Variants in FAM186B observed in about 807,000 individuals in gnomAD.
FAM186B encodes family with sequence similarity 186 member B.
A neutral mutation model predicts 83.4 loss-of-function variants in FAM186B; 68 were observed. That is an observed-to-expected ratio of 0.81 (90% CI 0.67 to 1.00). FAM186B has a LOEUF of 1.00. FAM186B is among the 50% of genes least tolerant of loss of function. The probability of loss-of-function intolerance (pLI) is 0.00; values close to 1 mark genes in which losing one functional copy is unlikely to be tolerated. For missense variants in FAM186B, 983 were observed against 1,099.2 expected (o/e 0.89, Z 1.49); for synonymous variants, 389 against 422.0 (o/e 0.92, Z 0.96).
rs183471594 is a variant in FAM186B at position 49,590,922 on chromosome 12, A to T, written c.2365-2299T>A. Among the ~76,000 whole-genome samples, 36 of 152,330 alleles carry T rather than the reference A, an allele frequency of 2.4e-4. No homozygotes were observed. The East Asian group carries it at 6.7e-3, about 29-fold the overall frequency. On this transcript the variant is annotated intron_variant, in intron 5 of 6. Transcript: ENST00000257894. Reference sequence around the variant, plus strand: ...TTGGAACTTTTAACATTTAAAATGAATCTTAATAGTATAGGATTTTTTTTG... The same window carrying T: ...TTGGAACTTTTAACATTTAAAATGATTCTTAATAGTATAGGATTTTTTTTG...
At chr12:49,602,316 T>A (rs1046631557) in intron 3 of FAM186B, among the ~76,000 whole-genome samples, 1 of 152,210 alleles carries the variant, frequency 6.6e-6, no homozygotes, top group African/African-American at 2.4e-5. Context: ...GAAGAGATTG[T>A]TTCCTTATCC....
chr12:49,621,324 G>C, the FAM186B span, among the ~76,000 whole-genome samples: 1 of 152,156 alleles, frequency 6.6e-6, no homozygotes, highest in East Asian at 1.9e-4. Context: ...TAGAGGTTCA[G>C]TGAGCCACTG....
intron 6 of FAM186B, 49 bp downstream of exon 6, chr12:49,588,405 T>C (rs1592542581): frequency 1.3e-6 from 2 of 1,568,002 alleles, no homozygotes; most frequent in Non-Finnish European, 8.7e-7. Flanking sequence ...CCCTGCTCCC[T>C]GCCTCTTCAC....
rs553087946 is a variant in FAM186B at position 49,604,864 on chromosome 12, G to C, written c.97-326C>G. 2.0e-4 allele frequency: 48 copies of C among 238,644 alleles called. 1 individual carries two copies. The South Asian group carries it at 3.8e-3, about 19-fold the overall frequency. The allele number at this position is 238,644 out of a possible 1,614,324, so 14.8% of individuals were successfully genotyped here. A position where few individuals can be genotyped will look rare whatever the true frequency, so the allele number is the denominator to read the frequency against. ...TCTTTAGAATTTCAGAGGTTGCTGG[G>C]GGTTTCTGGATGTCTTTCCTCACAA... On this transcript the variant is annotated intron_variant, in intron 1 of 6. Transcript: ENST00000257894.
At chr12:49,621,917 A>G in the FAM186B span, among the ~76,000 whole-genome samples, 1 of 152,266 alleles carries the variant, frequency 6.6e-6, no homozygotes, top group South Asian at 2.1e-4. Context: ...TTGCCTCCAG[A>G]GAGGGGAAGA....
upstream of FAM186B, among the ~76,000 whole-genome samples, chr12:49,606,248 A>G (rs1252057675): frequency 1.3e-5 from 2 of 152,034 alleles, no homozygotes; most frequent in Non-Finnish European, 2.9e-5. Context: ...AATCCCAACA[A>G]TTTGGGAGGC....
At position 49,600,836 on chromosome 12, in the gene FAM186B, C is replaced by A. The variant is rs754108727; in HGVS notation, c.804G>T (p.Ala268=). The A allele has an allele frequency of 1.2e-6, 2 of 1,612,386 alleles. No individual in the cohort carries two copies. Among genetic ancestry groups the A allele is most frequent in the East Asian group, 4.5e-5 (2 of 44,872 alleles). Reference sequence around the variant, plus strand: ...GCCTCTGGCTGCTGAGCTCTTTGGTCGCCTGCATTTGCAGGTGCCTGTATT... The same window carrying A: ...GCCTCTGGCTGCTGAGCTCTTTGGTAGCCTGCATTTGCAGGTGCCTGTATT... ...ETKYRHLQMQ[A]TKELSSQRLH... is the part of the protein sequence containing the mutation. Residue 268 remains alanine (A), a synonymous_variant, in exon 4 of 7, where the codon GCG becomes GCT. Transcript: ENST00000257894. This position sits in a 1 kb window ranked among gnomAD's most constrained non-coding sequence, Gnocchi z 4.3.
At chr12:49,613,343 T>C in the FAM186B span, among the ~76,000 whole-genome samples, 1 of 148,524 alleles carries the variant, frequency 6.7e-6, no homozygotes, top group Non-Finnish European at 1.5e-5. Flanking sequence ...TTGGCTAACA[T>C]GGTGAAACCC....
At chr12:49,598,124 GCAAA>G (rs1015053424) in intron 5 of FAM186B, among the ~76,000 whole-genome samples, 48 of 152,208 alleles carry the variant, frequency 3.2e-4, no homozygotes, top group Admixed American at 2.6e-3. Flanking sequence ...CCACATCCAA[GCAAA>G]CAGTCAATTA....
upstream of FAM186B, among the ~76,000 whole-genome samples, chr12:49,608,205 AG>A (rs1940053696): frequency 6.7e-6 from 1 of 150,172 alleles, no homozygotes; most frequent in African/African-American, 2.4e-5. Context: ...AAAAAAAAAA[AG>A]TTGGCCGGGT....
intron 5 of FAM186B, among the ~76,000 whole-genome samples, chr12:49,598,380 G>A (rs1244333979): frequency 6.6e-6 from 1 of 152,182 alleles, no homozygotes; most frequent in East Asian, 1.9e-4. Context: ...AGAGCCACCA[G>A]ACTGACAGGA....
At chr12:49,621,269 G>A in the FAM186B span, among the ~76,000 whole-genome samples, 1 of 152,202 alleles carries the variant, frequency 6.6e-6, no homozygotes, top group South Asian at 2.1e-4. Context: ...TGGAGTCCCA[G>A]ATACTTGGGA....
Position 49,600,929 on chromosome 12 carries a change from G to A in FAM186B, c.711C>T (p.Ala237=). The A allele has an allele frequency of 6.2e-7, 1 of 1,614,126 alleles. No homozygotes were observed. The highest frequency in any genetic ancestry group is 8.5e-7 in the Non-Finnish European group (1 of 1,179,998). The part of the protein sequence containing the change: ...KGEVRAIRYM[A]TVVENLNKAL... ...CCTTGTTGAGGTTCTCCACCACAGT[G>A]GCCATGTACCTGATGGCCCTGACCT... Residue 237 remains alanine (A), a synonymous_variant, in exon 4 of 7, where the codon GCC becomes GCT. Coordinates refer to ENST00000257894, the MANE Select transcript of FAM186B (RefSeq NM_032130.3). This position sits in a 1 kb window ranked among gnomAD's most constrained non-coding sequence, Gnocchi z 4.3.
At chr12:49,607,153 C>CA (rs1259639397), upstream of FAM186B, among the ~76,000 whole-genome samples, 1 of 150,866 alleles carries the variant, frequency 6.6e-6, no homozygotes, top group Non-Finnish European at 1.5e-5. Context: ...AAAGGAAGAA[C>CA]AAAAAAACCC....
At chr12:49,583,925 G>A (rs1445579812), downstream of FAM186B, 1 of 154,694 alleles carries the variant, frequency 6.5e-6, no homozygotes, top group African/African-American at 2.4e-5. Context: ...ACTGACAGAC[G>A]CTTGCCAGAG....
At chr12:49,606,755 G>GA (rs369570442), upstream of FAM186B, among the ~76,000 whole-genome samples, 85 of 152,182 alleles carry the variant, frequency 5.6e-4, no homozygotes, top group African/African-American at 1.9e-3. Context: ...TAGAGGTTTT[G>GA]AAAAATACTA....
At chr12:49,619,940 A>C in the FAM186B span, among the ~76,000 whole-genome samples, 1 of 152,030 alleles carries the variant, frequency 6.6e-6, no homozygotes, top group Non-Finnish European at 1.5e-5. Context: ...TCGGCCTCCC[A>C]AAGTGCTGGG....
chr12:49,583,082 C>T (rs763764163), downstream of FAM186B: 15 of 456,154 alleles, frequency 3.3e-5, no homozygotes, highest in Non-Finnish European at 5.7e-5. Context: ...GTTCAGCCAC[C>T]AGGCCCCTTA....
the FAM186B span, among the ~76,000 whole-genome samples, chr12:49,618,302 G>T: frequency 1.3e-5 from 2 of 151,112 alleles, no homozygotes; most frequent in South Asian, 4.2e-4. Context: ...CTGAGATCAC[G>T]CCACTGCACT....
Sources: allele counts gnomAD v4.1 joint callset (sites outside exome capture counted in the v4.1 genomes callset), GRCh38; gene constraint gnomAD v4.1.1; non-coding constraint Gnocchi (gnomAD v3.1); transcripts MANE v1.5; gene names NCBI Gene and HGNC (gene_info 2026-07-23, HGNC 2026-07-21).